DNAH3: variants seen among roughly 807,000 people sequenced by gnomAD.
DNAH3 encodes axonemal beta dynein heavy chain 3.
Under a neutral mutation model 432.5 loss-of-function variants are expected in DNAH3, and 332 were observed. The observed-to-expected ratio is 0.77, with a 90% confidence interval of 0.70 to 0.84. The LOEUF is 0.84. Ranked by LOEUF, DNAH3 falls within the 40% of genes least tolerant of loss-of-function variation. DNAH3 has a pLI of 0.00. For synonymous variants in DNAH3, 1,956 were observed against 1,900.2 expected (o/e 1.03, Z -0.76); for missense variants, 4,861 against 5,114.0 (o/e 0.95, Z 1.51).
chr16:21,052,812 CA>C, intron 28 of DNAH3, among the ~76,000 whole-genome samples: 1 of 152,258 alleles, frequency 6.6e-6, no homozygotes, highest in Middle Eastern at 3.4e-3. Flanking sequence ...GGTCCCATTT[CA>C]GGCCCCTAGG....
intron 5 of DNAH3, among the ~76,000 whole-genome samples, chr16:21,139,110 G>A (rs752576079): frequency 3.9e-5 from 6 of 151,958 alleles, no homozygotes; most frequent in Admixed American, 6.6e-5. Flanking sequence ...CTTTTAAGAC[G>A]GGTTGGAAAC....
chr16:20,960,400 C>A (rs1229971545), intron 53 of DNAH3, among the ~76,000 whole-genome samples: 1 of 152,064 alleles, frequency 6.6e-6, no homozygotes, highest in African/African-American at 2.4e-5. Flanking sequence ...AAGGCCAGAC[C>A]TTTGGCCAGA....
chr16:21,054,369 G>A, intron 28 of DNAH3, 51 bp downstream of exon 28: 1 of 1,367,948 alleles, frequency 7.3e-7, no homozygotes, highest in Non-Finnish European at 1.0e-6. Context: ...AGCAAGACTA[G>A]ACTGCTTCTC....
chr16:21,122,097 G>A lies in DNAH3; in HGVS notation c.1432C>T (p.Gln478Ter). 1.2e-6 allele frequency: 2 copies of A among 1,612,384 alleles called. No individual in the cohort carries two copies. Among genetic ancestry groups the A allele is most frequent in the Non-Finnish European group, 8.5e-7 (1 of 1,179,386 alleles). The change falls in exon 10 of 62, where the codon CAA becomes TAA. Residue 478 changes from glutamine (Q) to a stop codon, truncating the protein, a stop_gained. Coordinates refer to ENST00000261383, the Ensembl canonical transcript of DNAH3. LOFTEE classifies it high-confidence loss of function. ...TGAGGTATGAAAAACTTCATCTCTT[G>A]GTAGGGCTCCTTAAAATCATTCCCA... is the stretch of plus-strand genomic sequence containing the variant.
At chr16:20,971,262 TTA>T (rs1362841338) in intron 51 of DNAH3, among the ~76,000 whole-genome samples, 1 of 152,112 alleles carries the variant, frequency 6.6e-6, no homozygotes, top group African/African-American at 2.4e-5. Flanking sequence ...ACACTAAAAT[TTA>T]TGTTTCTTAA....
At chr16:20,949,581 G>A (rs946772666) in intron 56 of DNAH3, among the ~76,000 whole-genome samples, 2 of 152,170 alleles carry the variant, frequency 1.3e-5, no homozygotes, top group Non-Finnish European at 2.9e-5. Flanking sequence ...TCCACTGGGG[G>A]TCTTGGAACA....
intron 44 of DNAH3, among the ~76,000 whole-genome samples, chr16:20,995,983 G>A (rs1160512464): frequency 1.3e-5 from 2 of 152,226 alleles, no homozygotes; most frequent in Non-Finnish European, 2.9e-5. Flanking sequence ...ATAATTGCAC[G>A]TCTTGCAGCT....
intron 41 of DNAH3, among the ~76,000 whole-genome samples, chr16:21,010,955 G>A (rs1738039161): frequency 6.6e-6 from 1 of 151,460 alleles, no homozygotes; most frequent in Non-Finnish European, 1.5e-5. Context: ...TGCAAAAGAG[G>A]ATATACACAA....
At chr16:21,029,247 T>C (rs537944779) in intron 37 of DNAH3, among the ~76,000 whole-genome samples, 1 of 152,350 alleles carries the variant, frequency 6.6e-6, no homozygotes, top group South Asian at 2.1e-4. Context: ...ATGCTATAAT[T>C]AGTGGATGTG....
intron 7 of DNAH3, among the ~76,000 whole-genome samples, chr16:21,128,879 AAAAAAG>A (rs200423168): frequency 0.24 from 35,278 of 148,524 alleles, 4,313 homozygotes; most frequent in African/African-American, 0.31. Flanking sequence ...AAAAAAAAAA[AAAAAAG>A]CTTGTGGAGC....
chr16:20,947,942 A>G (rs2084125153), intron 57 of DNAH3, among the ~76,000 whole-genome samples: 1 of 151,866 alleles, frequency 6.6e-6, no homozygotes. Context: ...CACCTGGTTA[A>G]TTTTTATATT....
rs146293833 is a variant in DNAH3 at position 20,969,915 on chromosome 16, G to A, written c.8335C>T (p.Pro2779Ser). The A allele has an allele frequency of 1.1e-5, 17 of 1,614,038 alleles. No homozygotes were observed. In the African/African-American group the frequency reaches 2.1e-4, roughly 20 times the overall value. Residue 2779 changes from proline to serine, a missense_variant, in exon 52 of 62, where the codon CCG (proline) becomes TCG (serine). Transcript: ENST00000261383. ...GACTTCACCAGCGAGATGTCGGCCG[G>A]GTTCAGGGTGTCCAGAGCAGCTAGT...
At chr16:21,033,082 T>G (rs989327903) in intron 36 of DNAH3, among the ~76,000 whole-genome samples, 5 of 152,156 alleles carry the variant, frequency 3.3e-5, no homozygotes, top group East Asian at 1.9e-4. Flanking sequence ...TCCGCCCGCC[T>G]TGGCCCCTCA....
At chr16:20,962,617 T>C (rs1188080323) in intron 53 of DNAH3, among the ~76,000 whole-genome samples, 6 of 152,140 alleles carry the variant, frequency 3.9e-5, no homozygotes, top group Non-Finnish European at 8.8e-5. Context: ...CAGTGTGAAG[T>C]TTCCTGTGGA....
rs1293194622 is a variant in DNAH3 at position 21,022,103 on chromosome 16, G to A, written c.5647-3C>T. The A allele has an allele frequency of 2.5e-6, 4 of 1,613,742 alleles. No individual in the cohort carries two copies. The highest frequency in any genetic ancestry group is 1.6e-4 in the Middle Eastern group (1 of 6,080). On this transcript the variant is annotated splice_region_variant and splice_polypyrimidine_tract_variant and intron_variant, in intron 39 of 61. Transcript: ENST00000261383. ...AGCCACATGAACATGTCATTGACCT[G>A]AGAGTAGAAACCTCCATGAGACTTG... is the stretch of plus-strand genomic sequence containing the variant.
At chr16:21,098,890 TC>T in intron 16 of DNAH3, 121 bp from the exon 17 acceptor site, 1 of 975,848 alleles carries the variant, frequency 1.0e-6, no homozygotes, top group East Asian at 2.6e-5. Context: ...GCAGATTTCC[TC>T]CCCCAATACT....
At chr16:21,049,752 C>T (rs2089873804) in intron 30 of DNAH3, 70 bp from the exon 31 acceptor site, 10 of 1,449,762 alleles carry the variant, frequency 6.9e-6, no homozygotes, top group Non-Finnish European at 9.7e-6. Flanking sequence ...CCGCACCATT[C>T]AACAGCAGTG....
chr16:20,988,656 CTATCAATTCA>C (rs950465214), intron 44 of DNAH3, among the ~76,000 whole-genome samples: 15 of 152,208 alleles, frequency 9.9e-5, no homozygotes, highest in African/African-American at 3.6e-4. Flanking sequence ...GTAAAAGAGT[CTATCAATTCA>C]GGAATACTTT....
intron 53 of DNAH3, among the ~76,000 whole-genome samples, chr16:20,962,843 C>T (rs2084886196): frequency 6.6e-6 from 1 of 152,078 alleles, no homozygotes; most frequent in Non-Finnish European, 1.5e-5. Flanking sequence ...TGTTTTATAG[C>T]AATGGAGGTC....
Sources: allele counts gnomAD v4.1 joint callset (sites outside exome capture counted in the v4.1 genomes callset), GRCh38; gene constraint gnomAD v4.1.1; transcripts MANE v1.5; gene names NCBI Gene and HGNC (gene_info 2026-07-23, HGNC 2026-07-21).